Variants in PHACTR3 observed in about 807,000 individuals in gnomAD.
PHACTR3 encodes protein phosphatase 1, regulatory subunit 123.
A neutral mutation model predicts 66.8 loss-of-function variants in PHACTR3; 16 were observed. The ratio of observed to expected loss-of-function variants is 0.24; its 90% CI spans 0.16 to 0.36. The LOEUF is 0.36. Among genes scored for constraint, PHACTR3 ranks in the 10% least tolerant of loss-of-function variants. The pLI is 1.00. For missense variants in PHACTR3, 647 were observed against 719.9 expected (o/e 0.90, Z 1.16); for synonymous variants, 323 against 292.1 (o/e 1.11, Z -1.08).
chr20:59,816,911 G>A (rs777705969), intron 8 of PHACTR3, among the ~76,000 whole-genome samples: 5 of 152,180 alleles, frequency 3.3e-5, no homozygotes, highest in Non-Finnish European at 7.3e-5. Context: ...GTGGTGGGAT[G>A]TTGTGTAGTT....
chr20:59,698,185 C>G (rs1268937136), intron 1 of PHACTR3, among the ~76,000 whole-genome samples: 1 of 152,092 alleles, frequency 6.6e-6, no homozygotes, highest in African/African-American at 2.4e-5. Context: ...AACTAAATTT[C>G]TATGGGAGGA....
intron 4 of PHACTR3, among the ~76,000 whole-genome samples, chr20:59,766,943 A>C (rs117383199): frequency 0.022 from 3,406 of 152,258 alleles, 56 homozygotes; most frequent in Non-Finnish European, 0.035. Flanking sequence ...TGGACCTCTC[A>C]TGTGGAAAAA....
chr20:59,709,056 A>T (rs2037818909), intron 1 of PHACTR3, among the ~76,000 whole-genome samples: 1 of 152,204 alleles, frequency 6.6e-6, no homozygotes, highest in Non-Finnish European at 1.5e-5. Flanking sequence ...TCAAAAGAAG[A>T]TATTGGAAGA....
At chr20:59,834,714 A>AAT (rs2042477014) in intron 8 of PHACTR3, among the ~76,000 whole-genome samples, 2 of 152,262 alleles carry the variant, frequency 1.3e-5, no homozygotes, top group Admixed American at 6.5e-5. Flanking sequence ...TATCTCTGCC[A>AAT]GATTCTGAAT....
intron 1 of PHACTR3, among the ~76,000 whole-genome samples, chr20:59,650,188 T>G (rs1323327404): frequency 6.6e-6 from 1 of 152,184 alleles, no homozygotes; most frequent in African/African-American, 2.4e-5. Context: ...ATTCAAAAAT[T>G]CAGAGAAAAT....
chr20:59,727,441 C>T (rs1395949156), intron 1 of PHACTR3, among the ~76,000 whole-genome samples: 3 of 152,118 alleles, frequency 2.0e-5, no homozygotes, highest in Non-Finnish European at 4.4e-5. Flanking sequence ...CACCATGCCA[C>T]AGCTTAGAGA....
intron 1 of PHACTR3, among the ~76,000 whole-genome samples, chr20:59,595,664 G>A (rs186874975): frequency 4.2e-4 from 64 of 152,178 alleles, no homozygotes; most frequent in Admixed American, 1.8e-3. Context: ...GGGTCTGTTC[G>A]TTTCTGATAG....
At chr20:59,628,796 G>A in intron 1 of PHACTR3, 1 of 985,500 alleles carries the variant, frequency 1.0e-6, no homozygotes, top group Non-Finnish European at 1.2e-6. Flanking sequence ...CCACAGCCCT[G>A]CGCTGGGAAG....
chr20:59,684,413 G>C (rs1310369616), intron 1 of PHACTR3, among the ~76,000 whole-genome samples: 1 of 152,212 alleles, frequency 6.6e-6, no homozygotes, highest in African/African-American at 2.4e-5. Flanking sequence ...CCCAGGCCTG[G>C]AGGTGGCCTT....
intron 1 of PHACTR3, among the ~76,000 whole-genome samples, chr20:59,716,194 T>C (rs1845711170): frequency 1.3e-5 from 2 of 149,354 alleles, no homozygotes; most frequent in Admixed American, 6.7e-5. Flanking sequence ...GCTTTGCTCT[T>C]CCCTTCACCC....
In PHACTR3 at chr20:59,700,837, A is replaced by G. The variant is rs142324801; in HGVS notation, c.119-42270A>G. Among the ~76,000 whole-genome samples the G allele has an allele frequency of 4.1e-4, 63 of 152,290 alleles. 1 individual carries two copies. The East Asian group carries it at 7.3e-3, about 18-fold the overall frequency. ...CAGGGGCTTGCTCCATCATCTAGGC[A>G]GGAGTGCACTGGCACAATTATGGCT... On this transcript the variant is annotated intron_variant, in intron 1 of 12. Transcript: ENST00000371015.
At chr20:59,806,255 C>G in intron 8 of PHACTR3, 61 bp downstream of exon 8, 1 of 1,573,134 alleles carries the variant, frequency 6.4e-7, no homozygotes, top group Non-Finnish European at 8.6e-7. Flanking sequence ...CGGAGCCCCT[C>G]TGAGATCCCA....
At chr20:59,689,541 C>G (rs1404586007) in intron 1 of PHACTR3, among the ~76,000 whole-genome samples, 2 of 152,176 alleles carry the variant, frequency 1.3e-5, no homozygotes, top group East Asian at 3.9e-4. Context: ...CTGTCCCCTC[C>G]CATCTGATTG....
intron 1 of PHACTR3, among the ~76,000 whole-genome samples, chr20:59,597,321 C>A (rs2033354049): frequency 6.6e-6 from 1 of 152,156 alleles, no homozygotes; most frequent in Non-Finnish European, 1.5e-5. Flanking sequence ...ATCTTGTTAC[C>A]TCCTCCTCTT....
chr20:59,655,643 T>G (rs2035595909), intron 1 of PHACTR3, among the ~76,000 whole-genome samples: 1 of 151,962 alleles, frequency 6.6e-6, no homozygotes. Context: ...CTATTCTCTA[T>G]TTCATTAATT....
At chr20:59,750,115 T>C (rs2039522601) in intron 3 of PHACTR3, among the ~76,000 whole-genome samples, 1 of 151,960 alleles carries the variant, frequency 6.6e-6, no homozygotes, top group African/African-American at 2.4e-5. Context: ...GCACATCCAG[T>C]GGGGCCATTA....
intron 8 of PHACTR3, among the ~76,000 whole-genome samples, chr20:59,811,054 A>G (rs2041723636): frequency 6.6e-6 from 1 of 152,208 alleles, no homozygotes; most frequent in South Asian, 2.1e-4. Flanking sequence ...TCTTCACAGT[A>G]ACCCAGTAAA....
intron 7 of PHACTR3, among the ~76,000 whole-genome samples, chr20:59,787,140 G>A (rs968988902): frequency 1.3e-5 from 2 of 152,188 alleles, no homozygotes; most frequent in African/African-American, 4.8e-5. Context: ...TAGACACCAC[G>A]TTTTTGTAGG....
chr20:59,819,285 C>T (rs562489483), intron 8 of PHACTR3, among the ~76,000 whole-genome samples: 6 of 150,316 alleles, frequency 4.0e-5, no homozygotes, highest in Admixed American at 2.0e-4. Flanking sequence ...CAACTGCCCA[C>T]GGGACTGAGG....
Sources: allele counts gnomAD v4.1 joint callset (sites outside exome capture counted in the v4.1 genomes callset), GRCh38; gene constraint gnomAD v4.1.1; transcripts MANE v1.5; gene names NCBI Gene and HGNC (gene_info 2026-07-23, HGNC 2026-07-21).